The following SEC63 variants were observed in gnomAD, a reference collection of about 807,000 sequenced individuals.
SEC63 encodes SEC63 protein translocation regulator.
Under a neutral mutation model 116.2 loss-of-function variants are expected in SEC63, and 56 were observed. That is an observed-to-expected ratio of 0.48 (90% CI 0.39 to 0.60). SEC63 has a LOEUF of 0.60. Among genes scored for constraint, SEC63 ranks in the 20% least tolerant of loss-of-function variants. SEC63 has a pLI of 0.00. For missense variants in SEC63, 668 were observed against 900.0 expected (o/e 0.74, Z 3.30); for synonymous variants, 273 against 294.6 (o/e 0.93, Z 0.75).
chr6:107,906,917 A>G, intron 8 of SEC63, 140 bp from the exon 9 acceptor site: 1 of 689,858 alleles, frequency 1.4e-6, no homozygotes, highest in South Asian at 1.6e-5. Flanking sequence ...TCCACTGACA[A>G]GTATTTATTT....
chr6:107,926,528 C>T (rs568291455), intron 2 of SEC63, among the ~76,000 whole-genome samples: 61 of 152,296 alleles, frequency 4.0e-4, no homozygotes, highest in African/African-American at 1.4e-3. Context: ...CATGAGCCAC[C>T]GCGGCCAGCC....
At chr6:107,878,048 C>T (rs1423058747) in intron 18 of SEC63, among the ~76,000 whole-genome samples, 3 of 152,130 alleles carry the variant, frequency 2.0e-5, no homozygotes, top group African/African-American at 4.8e-5. Context: ...GGAATAACAC[C>T]TCTGTTGCGG....
chr6:107,943,228 A>C (rs770810898), intron 1 of SEC63, among the ~76,000 whole-genome samples: 11 of 152,242 alleles, frequency 7.2e-5, no homozygotes, highest in Non-Finnish European at 1.6e-4. Flanking sequence ...TACACTAGTT[A>C]ACTTTACACA....
At chr6:107,937,123 A>ATT (rs3062082) in intron 1 of SEC63, among the ~76,000 whole-genome samples, 5,598 of 129,808 alleles carry the variant, frequency 0.043, 540 homozygotes, top group African/African-American at 0.15. Context: ...TATGTACCAC[A>ATT]TTTTTTTTTT....
intron 7 of SEC63, chr6:107,911,119 TCTCA>T (rs547640254): frequency 1.8e-4 from 100 of 551,200 alleles, no homozygotes; most frequent in Admixed American, 9.3e-4. Flanking sequence ...TCAGTTGGGG[TCTCA>T]CTCTGTGGCC....
At chr6:107,878,627 G>A (rs182468536) in intron 18 of SEC63, among the ~76,000 whole-genome samples, 11 of 152,294 alleles carry the variant, frequency 7.2e-5, no homozygotes, top group East Asian at 3.9e-4. Context: ...AGGCCAAGGC[G>A]GGTGGATCAC....
intron 14 of SEC63, among the ~76,000 whole-genome samples, chr6:107,897,318 A>C (rs765210895): frequency 7.2e-5 from 11 of 152,238 alleles, no homozygotes; most frequent in Non-Finnish European, 1.3e-4. Context: ...AATTCTCTAT[A>C]GAACTGACTA....
intron 16 of SEC63, among the ~76,000 whole-genome samples, chr6:107,883,834 C>T (rs1035552470): frequency 2.0e-5 from 3 of 151,414 alleles, no homozygotes; most frequent in Admixed American, 2.0e-4. Context: ...AAGAAAAGTA[C>T]TCCTTTGGAA....
intron 18 of SEC63, 122 bp from the exon 19 acceptor site, chr6:107,876,784 C>A: frequency 1.5e-6 from 1 of 670,888 alleles, no homozygotes; most frequent in Admixed American, 2.5e-5. Flanking sequence ...CTGCTTGGTA[C>A]AAAATAGGTA....
chr6:107,946,236 A>G (rs1770478593), intron 1 of SEC63, among the ~76,000 whole-genome samples: 1 of 149,438 alleles, frequency 6.7e-6, no homozygotes, highest in Admixed American at 6.7e-5. Flanking sequence ...CACCTGACCT[A>G]TTTTTTATTT....
intron 13 of SEC63, among the ~76,000 whole-genome samples, chr6:107,900,668 TA>T (rs1786980435): frequency 6.6e-6 from 1 of 152,072 alleles, no homozygotes. Flanking sequence ...TATAAATAAA[TA>T]AAATAAAGAC....
rs186019083 is a variant in SEC63, at chr6:107,926,107, T to C, written c.225-1175A>G. Reference sequence around the variant, plus strand: ...TGCTGGAATTACAGGGGTGAGCGACTGCGCCCAGCCTCTACAGTGAAATAC... The same window carrying C: ...TGCTGGAATTACAGGGGTGAGCGACCGCGCCCAGCCTCTACAGTGAAATAC... On this transcript the variant is annotated intron_variant, in intron 2 of 20. Transcript: ENST00000369002. Among the ~76,000 whole-genome samples the C allele has an allele frequency of 2.0e-3, 310 of 152,286 alleles. 2 individuals are homozygous for C. Among genetic ancestry groups the C allele is most frequent in the East Asian group, 0.015 (78 of 5,176 alleles).
intron 20 of SEC63, among the ~76,000 whole-genome samples, chr6:107,872,323 A>G (rs941343862): frequency 3.3e-5 from 5 of 152,208 alleles, no homozygotes; most frequent in African/African-American, 1.2e-4. Context: ...TTATAATGCA[A>G]TAATACTTTT....
chr6:107,920,432 A>C (rs1430286896), intron 4 of SEC63, among the ~76,000 whole-genome samples: 2 of 150,900 alleles, frequency 1.3e-5, no homozygotes, highest in Admixed American at 6.6e-5. Context: ...TCTCAAAAAA[A>C]AAAAAAAAAA....
intron 1 of SEC63, chr6:107,957,137 G>A (rs1770726087): frequency 6.6e-6 from 1 of 152,138 alleles, no homozygotes; most frequent in African/African-American, 2.4e-5. Flanking sequence ...TGTTTAATGT[G>A]AAAAGACTTA....
intron 1 of SEC63, among the ~76,000 whole-genome samples, chr6:107,938,599 G>A (rs542774582): frequency 6.9e-6 from 1 of 145,824 alleles, no homozygotes; most frequent in Admixed American, 6.9e-5. Flanking sequence ...GTCTCACTCT[G>A]TCACCCAGGC....
intron 18 of SEC63, among the ~76,000 whole-genome samples, chr6:107,879,444 A>G (rs1331709149): frequency 1.3e-5 from 2 of 152,242 alleles, no homozygotes; most frequent in Non-Finnish European, 2.9e-5. Flanking sequence ...CTCCTGCCTC[A>G]GCCTCCTGAG....
intron 16 of SEC63, among the ~76,000 whole-genome samples, chr6:107,884,097 A>AC (rs573167204): frequency 4.0e-5 from 3 of 75,188 alleles, no homozygotes; most frequent in Admixed American, 1.7e-4. Flanking sequence ...TAAAAATACA[A>AC]AAAACAAACA....
intron 2 of SEC63, 22 bp from the exon 3 acceptor site, chr6:107,924,954 G>A (rs1319187487): frequency 2.2e-6 from 3 of 1,338,130 alleles, no homozygotes; most frequent in African/African-American, 2.9e-5. Context: ...AAAGGTAAGT[G>A]AATCATAAAC....
Sources: gnomAD v4.1 joint callset for allele counts (sites outside exome capture counted in the v4.1 genomes callset) on GRCh38, gnomAD v4.1.1 for gene constraint, MANE v1.5 for transcripts, NCBI Gene and HGNC (gene_info 2026-07-23, HGNC 2026-07-21) for gene names.